PNPLA7: variants seen among roughly 807,000 people sequenced by gnomAD.
PNPLA7 encodes patatin like domain 7, lysophospholipase, also known as patatin-like phospholipase domain-containing protein 7.
Under a neutral mutation model 161.7 loss-of-function variants are expected in PNPLA7, and 153 were observed. The ratio of observed to expected loss-of-function variants is 0.95; its 90% confidence interval spans 0.83 to 1.08. The LOEUF (loss-of-function observed/expected upper bound fraction) is 1.08, where lower values mean the gene tolerates loss of function less well. PNPLA7 is among the 50% of genes least tolerant of loss of function. PNPLA7 has a pLI of 0.00. For synonymous variants in PNPLA7, 809 were observed against 782.1 expected, an observed-to-expected ratio of 1.03 and a Z score of -0.57; for missense variants, 1,739 against 1,856.6, an observed-to-expected ratio of 0.94 and a Z score of 1.16.
At chr9:137,472,860 C>G (rs1424788695) in intron 25 of PNPLA7, among the ~76,000 whole-genome samples, 2 of 150,994 alleles carry the variant, frequency 1.3e-5, no homozygotes, top group Admixed American at 6.6e-5. Context: ...GAGGCTGAGG[C>G]AGGAGAATTG....
chr9:137,493,374 C>T (rs1172279946), intron 19 of PNPLA7, among the ~76,000 whole-genome samples: 2 of 152,212 alleles, frequency 1.3e-5, no homozygotes, highest in African/African-American at 4.8e-5. Flanking sequence ...GCCAGCCTCT[C>T]ACTCTCACTT....
At chr9:137,460,502 T>G (rs1258458924) in intron 34 of PNPLA7, 26 bp from the exon 35 acceptor site, 1 of 1,611,156 alleles carries the variant, frequency 6.2e-7, no homozygotes, top group Non-Finnish European at 8.5e-7. Context: ...ATGTTCCAGG[T>G]GAGGACCAGG....
rs1415887314 is a variant in PNPLA7 at position 137,547,716 on chromosome 9, G to C, written c.31-57C>G. 38 of 1,518,250 alleles carry C rather than the reference G, an allele frequency of 2.5e-5. No individual in the cohort carries two copies. The highest frequency in any genetic ancestry group is 3.5e-5 in the Non-Finnish European group (38 of 1,094,138). 94.0% of individuals were successfully genotyped at this position (1,518,250 alleles called of 1,614,324 possible). ...TGGACAGGCTTCCCAGCCCGAACTT[G>C]TTCAGAGCAGCAGGAGGAGAGCTGG... On this transcript the variant is annotated intron_variant, in intron 1 of 34. Coordinates refer to ENST00000406427, the MANE Select transcript of PNPLA7 (RefSeq NM_001098537.3). This position sits in a 1 kb window ranked among gnomAD's most constrained non-coding sequence, Gnocchi z 4.6.
At chr9:137,516,260 C>T (rs2132434437) in intron 11 of PNPLA7, 2 of 957,138 alleles carry the variant, frequency 2.1e-6, no homozygotes, top group South Asian at 9.7e-5. Context: ...ATGTGGCTGT[C>T]TGGGCTCGCC....
At chr9:137,489,901 C>G (rs1008498769) in intron 20 of PNPLA7, among the ~76,000 whole-genome samples, 2 of 152,170 alleles carry the variant, frequency 1.3e-5, no homozygotes, top group African/African-American at 4.8e-5. Context: ...CACTTTATTT[C>G]CAGAAGAGGT....
At chr9:137,509,631 G>A (rs1384402374) in intron 12 of PNPLA7, 2 of 412,218 alleles carry the variant, frequency 4.9e-6, no homozygotes, top group Middle Eastern at 3.4e-4. Flanking sequence ...GAGTTTAACT[G>A]GCGTGAATGA....
rs1238730959 is a variant in PNPLA7 at position 137,543,329 on chromosome 9, A to G, written c.506+103T>C. ...AGCAGCCCCACGATGCGCTTTGCCA[A>G]CCATTCCCCCAACACAAGACGGCCA... On this transcript the variant is annotated intron_variant, in intron 6 of 34. Transcript: ENST00000406427. This position sits in a 1 kb window ranked among gnomAD's most constrained non-coding sequence, Gnocchi z 6.9. 1 of 1,465,512 alleles carries G rather than the reference A, an allele frequency of 6.8e-7. No homozygotes were observed. Among genetic ancestry groups the G allele is most frequent in the East Asian group, 2.3e-5 (1 of 44,058 alleles). 90.8% of individuals were successfully genotyped at this position (1,465,512 alleles called of 1,614,324 possible). A position where few individuals can be genotyped will look rare whatever the true frequency, so the allele number is the denominator to read the frequency against.
chr9:137,469,571 C>T (rs1394623443), intron 25 of PNPLA7, among the ~76,000 whole-genome samples: 1 of 152,192 alleles, frequency 6.6e-6, no homozygotes, highest in African/African-American at 2.4e-5. Flanking sequence ...TTTCTATCCT[C>T]TGAGTGGTTG....
chr9:137,512,095 C>G (rs1173377205), intron 12 of PNPLA7, among the ~76,000 whole-genome samples: 3 of 152,192 alleles, frequency 2.0e-5, no homozygotes, highest in Non-Finnish European at 4.4e-5. Flanking sequence ...ATCTCTTAGT[C>G]TCGTGTCTTA....
Position 137,467,610 on chromosome 9 carries a change from T to C in PNPLA7, c.2883-137A>G, listed in dbSNP as rs998869145. The C allele has an allele frequency of 8.3e-7, 1 of 1,204,006 alleles. No individual in the cohort carries two copies. Among genetic ancestry groups the C allele is most frequent in the African/African-American group, 1.5e-5 (1 of 65,004 alleles). The allele number at this position is 1,204,006 out of a possible 1,614,324, so 74.6% of individuals were successfully genotyped here. On this transcript the variant is annotated intron_variant, in intron 25 of 34. Coordinates refer to ENST00000406427, the MANE Select transcript of PNPLA7 (RefSeq NM_001098537.3). The surrounding 1 kb of genome is among the most constrained non-coding windows in gnomAD (Gnocchi z 5.1). ...ACGCAGAGAGGGACTCCAGATGCAG[T>C]TTAAAACCCCTCTTTCCGGGCTCAC...
At chr9:137,539,852 C>A (rs1303900985) in intron 8 of PNPLA7, among the ~76,000 whole-genome samples, 1 of 152,146 alleles carries the variant, frequency 6.6e-6, no homozygotes, top group African/African-American at 2.4e-5. Context: ...GTGGCAGGAT[C>A]TTGGCTCACT....
At chr9:137,516,509 C>T (rs1015647513) in intron 11 of PNPLA7, 15 of 985,220 alleles carry the variant, frequency 1.5e-5, no homozygotes, top group Non-Finnish European at 1.8e-5. Flanking sequence ...ATGACACATA[C>T]TCTAAAATAC....
intron 12 of PNPLA7, among the ~76,000 whole-genome samples, chr9:137,512,349 G>A (rs1834283139): frequency 6.6e-6 from 1 of 152,226 alleles, no homozygotes; most frequent in Non-Finnish European, 1.5e-5. Context: ...CACGGGACGT[G>A]GAGCAGGGAA....
Position 137,462,743 on chromosome 9 carries a change from G to A in PNPLA7, c.3434C>T (p.Ala1145Val), listed in dbSNP as rs762364688. ...DETDLTNYGD[A>V]LSGWWLLWKR... ...CCACAGCAGCCACCACCCAGACAGC[G>A]CATCCCCATAGTTGGTGAGGTCCGT... Residue 1145 changes from alanine to valine, a missense_variant, in exon 30 of 35, where the codon GCG (alanine) becomes GTG (valine). Ala to Val is a moderately conservative substitution (Grantham distance 64, BLOSUM62 0). This residue lies in a region of PNPLA7 where 703 missense variants were observed against 694.6 expected (regional missense o/e 1.01). Coordinates refer to ENST00000406427, the MANE Select transcript of PNPLA7 (RefSeq NM_001098537.3). 7.1e-5 allele frequency: 115 copies of A among 1,613,848 alleles called. No individual in the cohort carries two copies. Among genetic ancestry groups the A allele is most frequent in the Non-Finnish European group, 9.0e-5 (106 of 1,179,996 alleles).
At chr9:137,495,198 G>T (rs746658586) in intron 18 of PNPLA7, 52 bp from the exon 19 acceptor site, 4 of 1,370,098 alleles carry the variant, frequency 2.9e-6, no homozygotes, top group South Asian at 1.2e-5. Context: ...GGCCGAGCCA[G>T]CTGGACCTGT....
chr9:137,535,598 C>T (rs1835842240), intron 8 of PNPLA7, among the ~76,000 whole-genome samples: 1 of 150,684 alleles, frequency 6.6e-6, no homozygotes, highest in East Asian at 2.0e-4. Flanking sequence ...ACTAAAAATA[C>T]AAAAATTAGC....
chr9:137,475,359 A>G (rs1198043902), intron 25 of PNPLA7, among the ~76,000 whole-genome samples: 1 of 152,164 alleles, frequency 6.6e-6, no homozygotes, highest in Non-Finnish European at 1.5e-5. Context: ...TGGGCAACAA[A>G]GCGAGACCTT....
chr9:137,505,836 G>T, intron 13 of PNPLA7, 76 bp from the exon 14 acceptor site: 1 of 1,578,648 alleles, frequency 6.3e-7, no homozygotes, highest in South Asian at 1.1e-5. Context: ...GGTCAGGTCT[G>T]AATCGCACAG....
Position 137,478,118 on chromosome 9 carries a change from G to T in PNPLA7, c.2798C>A (p.Pro933Gln), listed in dbSNP as rs3812499. 1.5e-6 allele frequency: 2 copies of T among 1,347,626 alleles called. No homozygotes were observed. The highest frequency in any genetic ancestry group is 1.9e-6 in the Non-Finnish European group (2 of 1,042,312). 83.5% of individuals were successfully genotyped at this position (1,347,626 alleles called of 1,614,324 possible). ...EMYKHVFQRP[P>Q]DRHSDFSRLA... is the part of the protein sequence containing the mutation. ...GCGGGAGAAGTCTGAGTGTCGGTCCGGGGGCCGCTGGAAGACATGCTTGTA... is the reference window on the plus strand; with the variant it reads ...GCGGGAGAAGTCTGAGTGTCGGTCCTGGGGCCGCTGGAAGACATGCTTGTA... The change falls in exon 25 of 35, where the codon CCG becomes CAG. Residue 933 changes from proline (P) to glutamine (Q), a missense_variant. Physicochemically the swap from Pro to Gln is moderately conservative, Grantham distance 76. Coordinates refer to ENST00000406427, the MANE Select transcript of PNPLA7 (RefSeq NM_001098537.3).
Sources: gnomAD v4.1 joint callset for allele counts (sites outside exome capture counted in the v4.1 genomes callset) on GRCh38, gnomAD v4.1.1 for gene constraint, gnomAD v4.1.1 regional missense constraint, Gnocchi (gnomAD v3.1) non-coding constraint, MANE v1.5 for transcripts, NCBI Gene and HGNC (gene_info 2026-07-23, HGNC 2026-07-21) for gene names.